The following FBXW11 variants were observed in gnomAD, a reference collection of about 807,000 sequenced individuals.
FBXW11 encodes the protein F-box and WD repeat domain containing 11.
A neutral mutation model predicts 77.6 loss-of-function variants in FBXW11; 19 were observed. The observed-to-expected ratio is 0.24, with a 90% confidence interval of 0.17 to 0.36. The LOEUF (loss-of-function observed/expected upper bound fraction) is 0.36. FBXW11 is among the 10% of genes least tolerant of loss of function. FBXW11 has a pLI of 1.00. For synonymous variants in FBXW11, 235 were observed against 249.4 expected (o/e 0.94, Z 0.54); for missense variants, 334 against 704.2 (o/e 0.47, Z 5.95).
chr5:171,968,934 A>T (rs1764372946), intron 1 of FBXW11, among the ~76,000 whole-genome samples: 1 of 152,212 alleles, frequency 6.6e-6, no homozygotes, highest in Non-Finnish European at 1.5e-5. Context: ...ACTTTCATTT[A>T]ACAGAGGGCA....
chr5:171,988,360 T>G lies in FBXW11; in HGVS notation c.45+18098A>C, dbSNP rs572768705. Among the ~76,000 whole-genome samples the G allele has an allele frequency of 2.0e-5, 3 of 151,498 alleles. No homozygotes were observed. The South Asian group carries it at 6.2e-4, about 32-fold the overall frequency. ...ACAAACAAACAAACAAAAAAAACAG[T>G]GATGGGGTCATGTCAAAATGAAACA... On this transcript the variant is annotated intron_variant, in intron 1 of 13. Transcript: ENST00000517395.
At chr5:171,926,428 C>A (rs891803382) in intron 2 of FBXW11, among the ~76,000 whole-genome samples, 2 of 152,166 alleles carry the variant, frequency 1.3e-5, no homozygotes, top group African/African-American at 4.8e-5. Flanking sequence ...AATTGTAATC[C>A]CCATTGTTGA....
At chr5:171,933,369 C>A (rs978858448) in intron 2 of FBXW11, among the ~76,000 whole-genome samples, 4 of 152,126 alleles carry the variant, frequency 2.6e-5, no homozygotes, top group Non-Finnish European at 5.9e-5. Flanking sequence ...GGATAGGAAG[C>A]ACACATAGAA....
chr5:171,892,057 T>A (rs1363276950), intron 6 of FBXW11, among the ~76,000 whole-genome samples: 4 of 152,206 alleles, frequency 2.6e-5, no homozygotes, highest in Non-Finnish European at 4.4e-5. Context: ...GCCAACTACA[T>A]AGGAAGAATT....
intron 1 of FBXW11, among the ~76,000 whole-genome samples, chr5:171,992,526 A>G (rs867094294): frequency 3.3e-5 from 5 of 151,962 alleles, no homozygotes; most frequent in African/African-American, 1.2e-4. Flanking sequence ...GAAAGAGAAA[A>G]AGAAAAAGAA....
chr5:171,914,658 A>C (rs1761111966), intron 2 of FBXW11, among the ~76,000 whole-genome samples: 1 of 152,180 alleles, frequency 6.6e-6, no homozygotes, highest in Admixed American at 6.5e-5. Flanking sequence ...TTAGAAAAAA[A>C]GGCTAAATTG....
At chr5:171,974,517 T>C (rs1244849852) in intron 1 of FBXW11, among the ~76,000 whole-genome samples, 1 of 151,866 alleles carries the variant, frequency 6.6e-6, no homozygotes, top group Admixed American at 6.6e-5. Context: ...TAGGTTTTAA[T>C]TGCTTATAAG....
intron 9 of FBXW11, among the ~76,000 whole-genome samples, chr5:171,874,164 A>G (rs957713235): frequency 3.3e-5 from 5 of 152,224 alleles, no homozygotes; most frequent in African/African-American, 1.2e-4. Context: ...TTATAACTCA[A>G]TAATAAAAAG....
intron 1 of FBXW11, among the ~76,000 whole-genome samples, chr5:171,978,857 A>T (rs1764990628): frequency 6.6e-6 from 1 of 152,240 alleles, no homozygotes; most frequent in African/African-American, 2.4e-5. Flanking sequence ...AAGAAATACG[A>T]ATAGCCACAA....
intron 7 of FBXW11, among the ~76,000 whole-genome samples, chr5:171,887,926 T>C (rs2113828513): frequency 6.6e-6 from 1 of 152,332 alleles, no homozygotes; most frequent in South Asian, 2.1e-4. Context: ...CCCAAAGTGC[T>C]GGGATTACAG....
chr5:171,874,752 C>CA (rs34775989), intron 9 of FBXW11, among the ~76,000 whole-genome samples: 5,853 of 37,744 alleles, frequency 0.16, 294 homozygotes, highest in African/African-American at 0.21. Flanking sequence ...CTGGTCTCTA[C>CA]AAAAAAAAAA....
chr5:171,949,833 T>C (rs1172518084), intron 2 of FBXW11, among the ~76,000 whole-genome samples: 1 of 152,182 alleles, frequency 6.6e-6, no homozygotes, highest in Admixed American at 6.5e-5. Context: ...AAAATTAAAA[T>C]ATTCAATGTC....
chr5:171,914,351 G>C lies in FBXW11; in HGVS notation c.202C>G (p.Leu68Val), dbSNP rs372993204. ...TGCGCCGTCATTCCTACCTGCCAAA[G>C]AGTATTTTTCTTTGGGGACTCATCT... ...NEDESPKKNT[L>V]WQISNGTSSV... The change falls in exon 3 of 14, where the codon CTT becomes GTT. Residue 68 changes from leucine to valine, a missense_variant. Leu to Val is a conservative substitution (Grantham distance 32). Around this residue, in one of 10 missense-constraint regions of FBXW11, gnomAD observed 80 missense variants for 105.1 expected, o/e 0.76. Transcript: ENST00000517395. 27 of 1,604,884 alleles carry C rather than the reference G, an allele frequency of 1.7e-5. No homozygotes were observed. The highest frequency in any genetic ancestry group is 1.2e-4 in the South Asian group (11 of 88,880).
intron 2 of FBXW11, among the ~76,000 whole-genome samples, chr5:171,942,816 TAATC>T (rs1022957068): frequency 1.3e-5 from 2 of 152,018 alleles, no homozygotes. Flanking sequence ...ATTAATTAAT[TAATC>T]AATTAAATTT....
intron 4 of FBXW11, chr5:171,908,762 C>CA (rs1255463659): frequency 1.3e-5 from 2 of 152,162 alleles, no homozygotes; most frequent in African/African-American, 4.8e-5. Context: ...TTTGCAGCCT[C>CA]AGGTTTCAGG....
In FBXW11 at chr5:171,862,035, T is replaced by C. The variant is rs1052697975; in HGVS notation, c.*2092A>G. 3.9e-5 allele frequency: 6 copies of C among 152,604 alleles called. No individual in the cohort carries two copies. The highest frequency in any genetic ancestry group is 1.4e-4 in the African/African-American group (6 of 41,438). 9.5% of individuals were successfully genotyped at this position (152,604 alleles called of 1,614,324 possible). On this transcript the variant is annotated 3_prime_UTR_variant, in exon 14 of 14. Coordinates refer to ENST00000517395, the MANE Select transcript of FBXW11 (RefSeq NM_001378974.1). ...AGGTTGTCTGCATATTCAAAGGCCA[T>C]CATCTCCCAAGGAACGAGGGGAACT...
intron 2 of FBXW11, among the ~76,000 whole-genome samples, chr5:171,929,573 C>T (rs1004474525): frequency 4.6e-5 from 7 of 151,930 alleles, no homozygotes; most frequent in South Asian, 2.1e-4. Flanking sequence ...ATGGGATGGC[C>T]GGGCGTGGTG....
At position 172,006,391 on chromosome 5, in the gene FBXW11, T is replaced by C. The variant is rs556853512; in HGVS notation, c.45+67A>G. ...CCAGAGCCGGCCTCGCACCGGACGTTGAGGTGGGCAGGCCCGCCCGGGGCC... is the reference window on the plus strand; with the variant it reads ...CCAGAGCCGGCCTCGCACCGGACGTCGAGGTGGGCAGGCCCGCCCGGGGCC... On this transcript the variant is annotated intron_variant, in intron 1 of 13. Coordinates refer to ENST00000517395, the MANE Select transcript of FBXW11 (RefSeq NM_001378974.1). 1.0e-5 allele frequency: 14 copies of C among 1,399,636 alleles called. No individual in the cohort carries two copies. In the African/African-American group the frequency reaches 1.3e-4, roughly 13 times the overall value. 86.7% of individuals were successfully genotyped at this position (1,399,636 alleles called of 1,614,324 possible). A position where few individuals can be genotyped will look rare whatever the true frequency, so the allele number is the denominator to read the frequency against.
At chr5:171,988,530 G>T (rs1561752969) in intron 1 of FBXW11, among the ~76,000 whole-genome samples, 1 of 152,098 alleles carries the variant, frequency 6.6e-6, no homozygotes, top group Non-Finnish European at 1.5e-5. Flanking sequence ...AAAAATGGGG[G>T]CAGCCTGTGG....
Sources: gnomAD v4.1 joint callset for allele counts (sites outside exome capture counted in the v4.1 genomes callset) on GRCh38, gnomAD v4.1.1 for gene constraint, gnomAD v4.1.1 regional missense constraint, MANE v1.5 for transcripts, NCBI Gene and HGNC (gene_info 2026-07-23, HGNC 2026-07-21) for gene names.